ANKS1B: variants seen among roughly 807,000 people sequenced by gnomAD.
ANKS1B encodes ankyrin repeat and sterile alpha motif domain-containing protein 1B.
Under a neutral mutation model 148.3 loss-of-function variants are expected in ANKS1B, and 36 were observed. The ratio of observed to expected loss-of-function variants is 0.24; its 90% confidence interval spans 0.19 to 0.32. ANKS1B has a LOEUF of 0.32. ANKS1B is among the 10% of genes least tolerant of loss of function. ANKS1B has a pLI of 1.00. For missense variants in ANKS1B, 1,157 were observed against 1,542.6 expected (o/e 0.75, Z 4.19); for synonymous variants, 542 against 560.8 (o/e 0.97, Z 0.47).
chr12:99,053,171 C>T lies in ANKS1B; in HGVS notation c.2764G>A (p.Val922Ile), dbSNP rs750344940. ...GACCAACTTACATTAATAAGTTCAA[C>T]CTCCCAGATTTTTTTCAACAGGTCC... The part of the protein sequence containing the change: ...SMDLLKKIWE[V>I]ELINVLKINL... Residue 922 changes from valine (V) to isoleucine (I), a missense_variant, in exon 17 of 27, where the codon GTT (valine) becomes ATT (isoleucine). Around this residue, in one of 6 missense-constraint regions of ANKS1B, gnomAD observed 258 missense variants for 497.0 expected, o/e 0.52. Coordinates refer to ENST00000683438, the MANE Select transcript of ANKS1B (RefSeq NM_001352186.2). The T allele has an allele frequency of 2.5e-6, 4 of 1,607,648 alleles. No homozygotes were observed. In the South Asian group the frequency reaches 4.5e-5, roughly 18 times the overall value.
intron 12 of ANKS1B, among the ~76,000 whole-genome samples, chr12:99,363,849 C>T (rs1392754969): frequency 6.6e-6 from 1 of 152,124 alleles, no homozygotes; most frequent in East Asian, 1.9e-4. Context: ...CAGAAGCCAA[C>T]TTACATGTAA....
intron 10 of ANKS1B, among the ~76,000 whole-genome samples, chr12:99,485,224 C>T (rs558134697): frequency 2.0e-5 from 3 of 152,064 alleles, no homozygotes; most frequent in South Asian, 2.1e-4. Flanking sequence ...GACAAATTCC[C>T]TCAAGATCTG....
intron 14 of ANKS1B, among the ~76,000 whole-genome samples, chr12:99,212,511 C>A (rs2083486903): frequency 6.6e-6 from 1 of 152,152 alleles, no homozygotes; most frequent in Non-Finnish European, 1.5e-5. Flanking sequence ...CACAGCATTG[C>A]ATTTTCTTTC....
intron 12 of ANKS1B, chr12:99,341,374 T>A (rs2089891450): frequency 6.6e-6 from 1 of 152,054 alleles, no homozygotes; most frequent in South Asian, 2.1e-4. Flanking sequence ...AGCCAACAGA[T>A]GAAATATCCA....
At chr12:99,570,632 C>T (rs1013186673) in intron 9 of ANKS1B, among the ~76,000 whole-genome samples, 5 of 139,628 alleles carry the variant, frequency 3.6e-5, no homozygotes, top group South Asian at 2.2e-4. Context: ...AGCGACGGAG[C>T]GAGACTTCGT....
At chr12:99,708,404 C>T (rs1386606239) in intron 8 of ANKS1B, among the ~76,000 whole-genome samples, 1 of 152,116 alleles carries the variant, frequency 6.6e-6, no homozygotes, top group Admixed American at 6.6e-5. Context: ...CAAATTACCA[C>T]AAATTTAGTG....
intron 25 of ANKS1B, among the ~76,000 whole-genome samples, chr12:98,769,500 A>G (rs1162631417): frequency 6.6e-6 from 1 of 152,206 alleles, no homozygotes; most frequent in African/African-American, 2.4e-5. Flanking sequence ...TGTTTACATT[A>G]AATCAAACAT....
At chr12:99,026,391 C>T (rs910390916) in intron 17 of ANKS1B, among the ~76,000 whole-genome samples, 25 of 152,244 alleles carry the variant, frequency 1.6e-4, no homozygotes, top group Middle Eastern at 3.4e-3. Flanking sequence ...AGGTTCTAGA[C>T]TCTGGTGGTC....
chr12:99,415,179 G>C (rs139996116), intron 11 of ANKS1B, among the ~76,000 whole-genome samples: 90 of 152,262 alleles, frequency 5.9e-4, no homozygotes, highest in African/African-American at 2.1e-3. Context: ...CATGAAAATA[G>C]TCACAACTAT....
intron 12 of ANKS1B, among the ~76,000 whole-genome samples, chr12:99,322,310 C>T (rs1291875622): frequency 6.6e-6 from 1 of 151,672 alleles, no homozygotes; most frequent in Non-Finnish European, 1.5e-5. Flanking sequence ...ATAATGAGAA[C>T]ACATGGACAC....
chr12:99,037,264 C>A (rs1420948592), intron 17 of ANKS1B, among the ~76,000 whole-genome samples: 1 of 152,150 alleles, frequency 6.6e-6, no homozygotes, highest in Non-Finnish European at 1.5e-5. Flanking sequence ...CGTCTGTAAT[C>A]CCAGCACTTT....
At chr12:99,361,766 A>G (rs1276966505) in intron 12 of ANKS1B, among the ~76,000 whole-genome samples, 1 of 152,046 alleles carries the variant, frequency 6.6e-6, no homozygotes, top group Non-Finnish European at 1.5e-5. Flanking sequence ...AATCATTGGG[A>G]TAACTCGTGA....
At chr12:98,808,029 T>C (rs2099064327) in intron 19 of ANKS1B, 111 bp from the exon 20 acceptor site, 1 of 850,160 alleles carries the variant, frequency 1.2e-6, no homozygotes, top group Admixed American at 3.0e-5. Context: ...AGAATCACAT[T>C]TAAAAAAAAC....
At chr12:99,950,994 T>C (rs1389369399) in intron 1 of ANKS1B, among the ~76,000 whole-genome samples, 1 of 152,198 alleles carries the variant, frequency 6.6e-6, no homozygotes, top group Non-Finnish European at 1.5e-5. Context: ...TCATATCTAA[T>C]TGATACTTTC....
chr12:99,410,452 G>A (rs1030522193), intron 11 of ANKS1B, among the ~76,000 whole-genome samples: 5 of 152,122 alleles, frequency 3.3e-5, no homozygotes, highest in Admixed American at 1.3e-4. Flanking sequence ...GGCGGATCAC[G>A]AGGTCAGGAG....
chr12:99,184,307 G>T (rs1332629937), intron 14 of ANKS1B, among the ~76,000 whole-genome samples: 1 of 152,224 alleles, frequency 6.6e-6, no homozygotes, highest in Non-Finnish European at 1.5e-5. Context: ...AAAGAAGTGG[G>T]AGGTCAATAG....
At chr12:99,731,907 C>A (rs1430887688) in intron 8 of ANKS1B, among the ~76,000 whole-genome samples, 1 of 151,860 alleles carries the variant, frequency 6.6e-6, no homozygotes, top group African/African-American at 2.4e-5. Context: ...ACTTTAAAAC[C>A]AGAAATCTGA....
rs764579330 is a variant in ANKS1B, at chr12:99,244,359, A to G, written c.2402T>C (p.Met801Thr). 4 of 1,607,238 alleles carry G rather than the reference A, an allele frequency of 2.5e-6. No individual in the cohort carries two copies. The highest frequency in any genetic ancestry group is 3.4e-6 in the Non-Finnish European group (4 of 1,177,358). Residue 801 changes from methionine to threonine, a missense_variant, in exon 14 of 27, where the codon ATG (methionine) becomes ACG (threonine). Physicochemically the swap from Met to Thr is moderately conservative, Grantham distance 81. This residue lies in a region of ANKS1B where 661 missense variants were observed against 642.1 expected (regional missense o/e 1.03). Transcript: ENST00000683438. ...DVGINNELKE[M>T]NGETTRPRCP... ...TGCCTTACTTGTGGTCTCACCATTC[A>G]TCTCTTTAAGTTCGTTGTTGATTCC...
At chr12:99,050,740 G>C (rs2099965445) in intron 17 of ANKS1B, among the ~76,000 whole-genome samples, 1 of 132,858 alleles carries the variant, frequency 7.5e-6, no homozygotes, top group African/African-American at 2.9e-5. Context: ...CACCCAGGCT[G>C]GAGTGCAGTG....
Sources: gnomAD v4.1 joint callset for allele counts (sites outside exome capture counted in the v4.1 genomes callset) on GRCh38, gnomAD v4.1.1 for gene constraint, gnomAD v4.1.1 regional missense constraint, MANE v1.5 for transcripts, NCBI Gene and HGNC (gene_info 2026-07-23, HGNC 2026-07-21) for gene names.